STK32B: variants seen among roughly 807,000 people sequenced by gnomAD.
STK32B encodes serine/threonine-protein kinase 32B.
STK32B carries 43 observed loss-of-function variants against 52.6 expected under a neutral mutation model. The observed-to-expected ratio is 0.82, with a 90% CI of 0.64 to 1.05. The LOEUF (loss-of-function observed/expected upper bound fraction) is 1.05. STK32B is among the 50% of genes least tolerant of loss of function. The probability of loss-of-function intolerance (pLI) is 0.00; values close to 1 mark genes in which losing one functional copy is unlikely to be tolerated. For missense variants in STK32B, 621 were observed against 534.6 expected (o/e 1.16, Z -1.59); for synonymous variants, 238 against 204.3 (o/e 1.17, Z -1.41).
At chr4:5,212,820 C>T (rs1286072607) in intron 3 of STK32B, among the ~76,000 whole-genome samples, 1 of 152,072 alleles carries the variant, frequency 6.6e-6, no homozygotes, top group Admixed American at 6.6e-5. Flanking sequence ...GATGAGTTGG[C>T]CTGCAAGAGA....
chr4:5,275,657 G>T (rs1016932750), intron 3 of STK32B, among the ~76,000 whole-genome samples: 1 of 152,072 alleles, frequency 6.6e-6, no homozygotes, highest in Non-Finnish European at 1.5e-5. Context: ...GCAGCACGTG[G>T]TGTGTAGTGA....
intron 1 of STK32B, chr4:5,126,989 C>T (rs368454946): frequency 2.3e-6 from 1 of 437,184 alleles, no homozygotes; most frequent in Non-Finnish European, 4.6e-6. Flanking sequence ...TATTCCCTCT[C>T]CTTTTGCACA....
intron 3 of STK32B, among the ~76,000 whole-genome samples, chr4:5,179,287 C>G (rs1373388378): frequency 6.6e-6 from 1 of 152,178 alleles, no homozygotes; most frequent in Non-Finnish European, 1.5e-5. Context: ...CCCCATGATT[C>G]AAATACATCC....
At chr4:5,021,918 GC>G in the STK32B span, among the ~76,000 whole-genome samples, 120 of 152,242 alleles carry the variant, frequency 7.9e-4, no homozygotes, top group African/African-American at 2.8e-3. Context: ...TGTGCACTGG[GC>G]CAGGTGCAAG....
intron 10 of STK32B, 93 bp downstream of exon 10, chr4:5,466,927 T>C: frequency 1.4e-6 from 2 of 1,459,260 alleles, no homozygotes; most frequent in Non-Finnish European, 1.8e-6. Context: ...AAGGGGACAT[T>C]TCAATCCTCC....
At chr4:5,468,987 T>A (rs897423331) in intron 11 of STK32B, among the ~76,000 whole-genome samples, 1 of 151,596 alleles carries the variant, frequency 6.6e-6, no homozygotes, top group Non-Finnish European at 1.5e-5. Flanking sequence ...GAGGCAGAGC[T>A]TGCAGTGAGC....
At chr4:5,046,921 A>G (rs1481138315), upstream of STK32B, among the ~76,000 whole-genome samples, 3 of 152,230 alleles carry the variant, frequency 2.0e-5, no homozygotes, top group South Asian at 2.1e-4. Flanking sequence ...ATTGTGGAAG[A>G]CAGTATGGTG....
At chr4:5,483,544 G>A (rs1718897661) in intron 11 of STK32B, among the ~76,000 whole-genome samples, 1 of 151,954 alleles carries the variant, frequency 6.6e-6, no homozygotes, top group Non-Finnish European at 1.5e-5. Context: ...ACCAGCTCCT[G>A]GATTCATTGA....
the STK32B span, among the ~76,000 whole-genome samples, chr4:5,043,810 T>C: frequency 8.5e-5 from 13 of 152,372 alleles, no homozygotes; most frequent in African/African-American, 3.1e-4. Flanking sequence ...GCAAAGGCAG[T>C]TGGAACATGT....
intron 3 of STK32B, among the ~76,000 whole-genome samples, chr4:5,282,225 G>GT (rs1728245021): frequency 1.3e-5 from 2 of 152,204 alleles, no homozygotes; most frequent in East Asian, 1.9e-4. Flanking sequence ...TATATATATT[G>GT]TTTTTTACCT....
chr4:5,122,095 C>A (rs1002633072), intron 1 of STK32B, among the ~76,000 whole-genome samples: 28 of 151,010 alleles, frequency 1.9e-4, no homozygotes, highest in African/African-American at 6.8e-4. Context: ...CACTCATTTA[C>A]TCACTCATTC....
Position 5,317,185 on chromosome 4 carries a change from T to TATAATATAC in STK32B, c.261-14032_261-14031insATATACATA, listed in dbSNP as rs1560313124. On this transcript the variant is annotated intron_variant, in intron 3 of 11. Transcript: ENST00000282908. ...ACATATATATAACATATAATATATA[T>TATAATATAC]ATATAACATATATATATTATATATA... is the stretch of plus-strand genomic sequence containing the variant. Among the ~76,000 whole-genome samples, 10 of 56,080 alleles carry TATAATATAC rather than the reference T, an allele frequency of 1.8e-4. 2 individuals carry two copies. Among genetic ancestry groups the TATAATATAC allele is most frequent in the African/African-American group, 1.4e-3 (9 of 6,598 alleles). The allele number at this position is 56,080 out of a possible 152,430, so 36.8% of individuals were successfully genotyped here.
intron 4 of STK32B, among the ~76,000 whole-genome samples, chr4:5,346,483 G>A (rs561462219): frequency 3.5e-4 from 54 of 152,316 alleles, no homozygotes; most frequent in African/African-American, 1.3e-3. Flanking sequence ...CCCCAGAACA[G>A]TGGGACATAG....
intron 5 of STK32B, among the ~76,000 whole-genome samples, chr4:5,416,613 T>G (rs114843721): frequency 0.017 from 2,571 of 152,338 alleles, 64 homozygotes; most frequent in African/African-American, 0.059. Flanking sequence ...ATAAAAAATG[T>G]ATCCTGCCCC....
chr4:5,189,218 A>G (rs1250166232), intron 3 of STK32B, among the ~76,000 whole-genome samples: 3 of 152,148 alleles, frequency 2.0e-5, no homozygotes, highest in African/African-American at 7.2e-5. Context: ...TACATTCTGT[A>G]GGTGTGGACA....
chr4:5,153,260 G>T (rs1409392553), intron 2 of STK32B, among the ~76,000 whole-genome samples: 2 of 152,180 alleles, frequency 1.3e-5, no homozygotes, highest in African/African-American at 4.8e-5. Flanking sequence ...CCAGATTGGG[G>T]AGGTCTGGCT....
intron 6 of STK32B, among the ~76,000 whole-genome samples, chr4:5,434,225 T>C (rs1713838746): frequency 6.6e-6 from 1 of 152,206 alleles, no homozygotes; most frequent in South Asian, 2.1e-4. Context: ...TCAGGGAATG[T>C]GAATCAAGAT....
chr4:5,064,897 TCTC>T (rs1214112375), intron 1 of STK32B, among the ~76,000 whole-genome samples: 1 of 148,698 alleles, frequency 6.7e-6, no homozygotes, highest in Non-Finnish European at 1.5e-5. Context: ...AAGAAAACCT[TCTC>T]CTCCTTAAGA....
In STK32B at chr4:5,400,348, A is replaced by T. The variant is rs11734498; in HGVS notation, c.472+2104A>T. On this transcript the variant is annotated intron_variant, in intron 5 of 11. Transcript: ENST00000282908. The surrounding 1 kb of genome is among the most constrained non-coding windows in gnomAD (Gnocchi z 6.1). The stretch of plus-strand genomic sequence containing the variant: ...CAGCCTCCACCTCAGCCTTCCCCAC[A>T]TTCTTTCTGCATCTCGTTCTGCCCC... Among the ~76,000 whole-genome samples the T allele has an allele frequency of 0.095, 14,417 of 151,750 alleles. 939 individuals carry two copies. Among genetic ancestry groups the T allele is most frequent in the African/African-American group, 0.19 (7,685 of 41,354 alleles).
Sources: gnomAD v4.1 joint callset for allele counts (sites outside exome capture counted in the v4.1 genomes callset) on GRCh38, gnomAD v4.1.1 for gene constraint, Gnocchi (gnomAD v3.1) non-coding constraint, MANE v1.5 for transcripts, NCBI Gene and HGNC (gene_info 2026-07-23, HGNC 2026-07-21) for gene names.